Variants in INPP4B observed in about 807,000 individuals in gnomAD.
The protein encoded by INPP4B is inositol polyphosphate 4-phosphatase type II.
INPP4B carries 55 observed loss-of-function variants against 122.5 expected under a neutral mutation model. The ratio of observed to expected loss-of-function variants is 0.45; its 90% CI spans 0.36 to 0.56. The LOEUF (loss-of-function observed/expected upper bound fraction) is 0.56. Among genes scored for constraint, INPP4B ranks in the 20% least tolerant of loss-of-function variants. The pLI is 0.00. For synonymous variants in INPP4B, 403 were observed against 388.7 expected, an observed-to-expected ratio of 1.04 and a Z score of -0.43; for missense variants, 1,000 against 1,097.7, an observed-to-expected ratio of 0.91 and a Z score of 1.26.
intron 2 of INPP4B, among the ~76,000 whole-genome samples, chr4:142,533,463 ATTTAT>A (rs1827849543): frequency 6.6e-6 from 1 of 152,114 alleles, no homozygotes; most frequent in African/African-American, 2.4e-5. Flanking sequence ...TATAAAAAAT[ATTTAT>A]TTTTTTTTTA....
At chr4:142,583,549 C>G (rs1412086082) in intron 2 of INPP4B, 2 of 152,166 alleles carry the variant, frequency 1.3e-5, no homozygotes, top group Admixed American at 1.3e-4. Flanking sequence ...CAAACCTCAT[C>G]AAGGTTTTCC....
chr4:142,439,146 G>A (rs1309091459), intron 3 of INPP4B, among the ~76,000 whole-genome samples: 1 of 152,090 alleles, frequency 6.6e-6, no homozygotes, highest in African/African-American at 2.4e-5. Context: ...CGCTCCAAGT[G>A]CCTACACATG....
intron 2 of INPP4B, among the ~76,000 whole-genome samples, chr4:142,674,405 T>C (rs1757425391): frequency 6.6e-6 from 1 of 152,124 alleles, no homozygotes; most frequent in Admixed American, 6.6e-5. Flanking sequence ...CTATTTAAGA[T>C]GTTAACTCCT....
chr4:142,073,486 C>T (rs1454802219), intron 25 of INPP4B, among the ~76,000 whole-genome samples: 1 of 152,046 alleles, frequency 6.6e-6, no homozygotes, highest in Non-Finnish European at 1.5e-5. Context: ...GCACTATAAC[C>T]AATATTCAAG....
In INPP4B at chr4:142,023,868, A is replaced by ATCTT. The variant is rs1490010789; in HGVS notation, c.*4910_*4913dup. ...CTGTGGGTACCATACTCAATTGTAA[A>ATCTT]TCTTTTAAAAATTTAAAATTCTAAG... is the stretch of plus-strand genomic sequence containing the variant. On this transcript the variant is annotated 3_prime_UTR_variant, in exon 26 of 26. Coordinates refer to ENST00000262992, the MANE Select transcript of INPP4B (RefSeq NM_001101669.3). The ATCTT allele has an allele frequency of 1.3e-5, 2 of 152,088 alleles. No homozygotes were observed. The highest frequency in any genetic ancestry group is 2.9e-5 in the Non-Finnish European group (2 of 68,004). 9.4% of individuals were successfully genotyped at this position (152,088 alleles called of 1,614,324 possible). A position where few individuals can be genotyped will look rare whatever the true frequency, so the allele number is the denominator to read the frequency against.
intron 2 of INPP4B, among the ~76,000 whole-genome samples, chr4:142,507,020 T>C (rs188710703): frequency 5.3e-5 from 8 of 152,310 alleles, no homozygotes; most frequent in Admixed American, 1.3e-4. Flanking sequence ...TTCATGTACA[T>C]TGTTCTCTTT....
At position 142,757,806 on chromosome 4, in the gene INPP4B, A is replaced by G. The variant is rs532859708; in HGVS notation, c.-253-31905T>C. Among the ~76,000 whole-genome samples, 5 of 152,294 alleles carry G rather than the reference A, an allele frequency of 3.3e-5. 1 individual carries two copies. Among genetic ancestry groups the G allele is most frequent in the Admixed American group, 6.5e-5 (1 of 15,282 alleles). ...ATGATTGCTGGATCTTAGGGTAAGA[A>G]TATATTTGGCTTTGTAGCAAACTCC... On this transcript the variant is annotated intron_variant, in intron 1 of 25. Transcript: ENST00000262992.
At chr4:142,058,061 C>T (rs942101065) in intron 25 of INPP4B, among the ~76,000 whole-genome samples, 3 of 152,048 alleles carry the variant, frequency 2.0e-5, no homozygotes, top group Non-Finnish European at 4.4e-5. Flanking sequence ...ATTTTATCTA[C>T]CTAATGTGCC....
At chr4:142,179,205 G>T (rs1829658138) in intron 15 of INPP4B, among the ~76,000 whole-genome samples, 1 of 152,100 alleles carries the variant, frequency 6.6e-6, no homozygotes, top group Non-Finnish European at 1.5e-5. Flanking sequence ...GGGCGCAGTG[G>T]CTCACACCTG....
At position 142,083,447 on chromosome 4, in the gene INPP4B, G is replaced by C. The variant is rs532196532; in HGVS notation, c.2488-1262C>G. On this transcript the variant is annotated intron_variant, in intron 24 of 25. Coordinates refer to ENST00000262992, the MANE Select transcript of INPP4B (RefSeq NM_001101669.3). ...TCCATTCCTTTGTCTTCTATCCCAT[G>C]GTAGGGTTCTAACATGAGATAACAA... is the stretch of plus-strand genomic sequence containing the variant. Among the ~76,000 whole-genome samples, 4 of 152,208 alleles carry C rather than the reference G, an allele frequency of 2.6e-5. No individual in the cohort carries two copies. In the East Asian group the frequency reaches 7.7e-4, roughly 29 times the overall value.
chr4:142,310,088 T>G (rs1331922919), intron 8 of INPP4B, among the ~76,000 whole-genome samples: 2 of 151,942 alleles, frequency 1.3e-5, no homozygotes, highest in African/African-American at 4.8e-5. Flanking sequence ...CCTCCATCAT[T>G]CATATCCTTC....
intron 18 of INPP4B, among the ~76,000 whole-genome samples, chr4:142,131,404 G>A (rs1426687286): frequency 1.3e-5 from 2 of 151,900 alleles, no homozygotes; most frequent in Non-Finnish European, 3.0e-5. Flanking sequence ...TGTAGGTGAA[G>A]TAAACTAGGT....
intron 25 of INPP4B, among the ~76,000 whole-genome samples, chr4:142,039,900 T>C (rs1400269458): frequency 2.0e-5 from 3 of 152,178 alleles, no homozygotes; most frequent in Non-Finnish European, 4.4e-5. Context: ...CTGTTTTTTT[T>C]TCTTCTTACT....
intron 25 of INPP4B, among the ~76,000 whole-genome samples, chr4:142,073,055 G>A (rs564247838): frequency 2.0e-5 from 3 of 151,938 alleles, no homozygotes; most frequent in African/African-American, 7.2e-5. Flanking sequence ...TAGATTTTAG[G>A]GTATTCAGAG....
chr4:142,298,366 G>A (rs571499031), intron 9 of INPP4B, among the ~76,000 whole-genome samples: 59 of 152,180 alleles, frequency 3.9e-4, no homozygotes, highest in Non-Finnish European at 7.2e-4. Flanking sequence ...TGAAGGGCCA[G>A]GTTTGAAGTC....
chr4:142,782,612 G>A (rs1164071680), intron 1 of INPP4B, among the ~76,000 whole-genome samples: 2 of 151,594 alleles, frequency 1.3e-5, no homozygotes, highest in Admixed American at 1.3e-4. Flanking sequence ...GTGTAAAAGT[G>A]TTCCTATTTC....
intron 2 of INPP4B, among the ~76,000 whole-genome samples, chr4:142,524,907 G>C (rs527538148): frequency 1.1e-3 from 174 of 152,144 alleles, no homozygotes; most frequent in Admixed American, 2.6e-3. Context: ...GCAGGAGAAG[G>C]AAATAAAGGG....
In INPP4B at chr4:142,587,450, C is replaced by T. The variant is rs186309764; in HGVS notation, c.-190-124724G>A. ...AAAAAATTGAATCAATAATTAATAA[C>T]CTTCTGAAAAAAAAGTACCAGTTCC... is the stretch of plus-strand genomic sequence containing the variant. On this transcript the variant is annotated intron_variant, in intron 2 of 25. Coordinates refer to ENST00000262992, the MANE Select transcript of INPP4B (RefSeq NM_001101669.3). Among the ~76,000 whole-genome samples the T allele has an allele frequency of 1.3e-3, 196 of 151,918 alleles. 4 individuals carry two copies. Among genetic ancestry groups the T allele is most frequent in the Non-Finnish European group, 3.7e-4 (25 of 67,878 alleles).
chr4:142,839,154 C>T (rs1343395287), intron 1 of INPP4B, among the ~76,000 whole-genome samples: 3 of 152,092 alleles, frequency 2.0e-5, no homozygotes, highest in Non-Finnish European at 4.4e-5. Context: ...CAATGTCTGC[C>T]GCTTATAAAA....
Sources: gnomAD v4.1 joint callset for allele counts (sites outside exome capture counted in the v4.1 genomes callset) on GRCh38, gnomAD v4.1.1 for gene constraint, MANE v1.5 for transcripts, NCBI Gene and HGNC (gene_info 2026-07-23, HGNC 2026-07-21) for gene names.